CRTC3: variants seen among roughly 807,000 people sequenced by gnomAD.
CRTC3 encodes the protein CREB regulated transcription coactivator 3.
CRTC3 carries 26 observed loss-of-function variants against 74.5 expected under a neutral mutation model. The ratio of observed to expected loss-of-function variants is 0.35; its 90% CI spans 0.26 to 0.48. The LOEUF is 0.48. Among genes scored for constraint, CRTC3 ranks in the 20% least tolerant of loss-of-function variants. CRTC3 has a pLI of 0.99. For missense variants in CRTC3, 760 were observed against 787.3 expected (o/e 0.97, Z 0.41); for synonymous variants, 377 against 325.8 (o/e 1.16, Z -1.69).
At chr15:90,616,458 T>C (rs1451196280) in intron 7 of CRTC3, among the ~76,000 whole-genome samples, 1 of 152,236 alleles carries the variant, frequency 6.6e-6, no homozygotes, top group African/African-American at 2.4e-5. Flanking sequence ...ACTAGGAAAG[T>C]TTGGGCCCTG....
intron 2 of CRTC3, among the ~76,000 whole-genome samples, chr15:90,545,581 T>C (rs1291653991): frequency 6.6e-6 from 1 of 151,312 alleles, no homozygotes; most frequent in Non-Finnish European, 1.5e-5. Context: ...TGTTTGTTTT[T>C]TTTTTTTACT....
intron 2 of CRTC3, among the ~76,000 whole-genome samples, chr15:90,586,204 A>G (rs1967656177): frequency 1.3e-5 from 2 of 152,040 alleles, no homozygotes; most frequent in South Asian, 4.2e-4. Context: ...CTTATGTAGA[A>G]TTGCTTCTGT....
rs1021706995 is a variant in CRTC3 at position 90,644,765 on chromosome 15, G to C, written c.*2625G>C. 2 of 232,490 alleles carry C rather than the reference G, an allele frequency of 8.6e-6. No homozygotes were observed. The highest frequency in any genetic ancestry group is 4.4e-5 in the African/African-American group (2 of 45,302). 14.4% of individuals were successfully genotyped at this position (232,490 alleles called of 1,614,324 possible). ...TGAGCCTGCACTCACTGCGGCCTTT[G>C]TAACAAAACCAGTTGTGGTCCTCAG... On this transcript the variant is annotated 3_prime_UTR_variant, in exon 15 of 15. Coordinates refer to ENST00000268184, the MANE Select transcript of CRTC3 (RefSeq NM_022769.5).
chr15:90,608,153 G>A (rs1968273608), intron 6 of CRTC3, among the ~76,000 whole-genome samples: 1 of 152,142 alleles, frequency 6.6e-6, no homozygotes, highest in Non-Finnish European at 1.5e-5. Context: ...TGTGAGTAAG[G>A]GGATGGAGAG....
chr15:90,612,086 C>A (rs1187611120), intron 6 of CRTC3, among the ~76,000 whole-genome samples: 1 of 147,742 alleles, frequency 6.8e-6, no homozygotes, highest in South Asian at 2.2e-4. Context: ...TCCTCCGCCT[C>A]CTCCTCCGCC....
intron 2 of CRTC3, among the ~76,000 whole-genome samples, 164 bp from the exon 3 acceptor site, chr15:90,593,472 A>C (rs1206579060): frequency 6.6e-6 from 1 of 152,242 alleles, no homozygotes; most frequent in Non-Finnish European, 1.5e-5. Flanking sequence ...TTATAAAGAA[A>C]TAGTTCCATA....
At chr15:90,546,854 A>C (rs1269197524) in intron 2 of CRTC3, among the ~76,000 whole-genome samples, 1 of 152,034 alleles carries the variant, frequency 6.6e-6, no homozygotes, top group Non-Finnish European at 1.5e-5. Context: ...CGATCTCCTG[A>C]CCTCGTGATC....
At chr15:90,633,557 G>A (rs555873245) in intron 11 of CRTC3, among the ~76,000 whole-genome samples, 8 of 152,208 alleles carry the variant, frequency 5.3e-5, no homozygotes, top group African/African-American at 1.9e-4. Flanking sequence ...AGATCTTTTT[G>A]TCCCCAGTGT....
chr15:90,629,671 C>T (rs1229597569), intron 11 of CRTC3, 139 bp downstream of exon 11: 1 of 716,808 alleles, frequency 1.4e-6, no homozygotes, highest in Non-Finnish European at 2.3e-6. Flanking sequence ...AGTCTGTTCG[C>T]TCTTATATGT....
intron 2 of CRTC3, among the ~76,000 whole-genome samples, chr15:90,572,630 C>T (rs1967298950): frequency 1.3e-5 from 2 of 152,140 alleles, no homozygotes; most frequent in Non-Finnish European, 1.5e-5. Context: ...GGCTGGAGTG[C>T]AGTAGTGCAA....
chr15:90,557,534 C>T (rs1966919578), intron 2 of CRTC3, among the ~76,000 whole-genome samples: 2 of 152,116 alleles, frequency 1.3e-5, no homozygotes, highest in Non-Finnish European at 1.5e-5. Flanking sequence ...TTGAGGGGCT[C>T]GTACATCTGC....
chr15:90,565,550 C>G (rs752830539), intron 2 of CRTC3, among the ~76,000 whole-genome samples: 2 of 152,148 alleles, frequency 1.3e-5, no homozygotes, highest in African/African-American at 2.4e-5. Context: ...AGATACTGTG[C>G]TTTTTACAAG....
At chr15:90,556,336 T>C (rs1323295069) in intron 2 of CRTC3, among the ~76,000 whole-genome samples, 1 of 152,178 alleles carries the variant, frequency 6.6e-6, no homozygotes, top group Non-Finnish European at 1.5e-5. Context: ...GGTAGAAATA[T>C]CGCCACCGTT....
At chr15:90,625,663 T>A (rs1968807396) in intron 9 of CRTC3, 113 bp from the exon 10 acceptor site, 4 of 945,196 alleles carry the variant, frequency 4.2e-6, no homozygotes. Context: ...CACCAGGACC[T>A]CGGTCTTTTG....
chr15:90,628,141 C>T (rs998930320), intron 10 of CRTC3, among the ~76,000 whole-genome samples: 2 of 151,260 alleles, frequency 1.3e-5, no homozygotes, highest in Non-Finnish European at 2.9e-5. Context: ...GGCGTGAACC[C>T]GGGAGACGGA....
At chr15:90,593,022 G>T (rs150198490) in intron 2 of CRTC3, among the ~76,000 whole-genome samples, 4 of 152,018 alleles carry the variant, frequency 2.6e-5, no homozygotes, top group Non-Finnish European at 4.4e-5. Context: ...GCGTGGTGGC[G>T]CACATCTGTA....
rs1969524583 is a variant in CRTC3 at position 90,643,546 on chromosome 15, T to TAG, written c.*1410_*1411dup. The stretch of plus-strand genomic sequence containing the variant: ...ACGTTTGGCTCTAAATTGCTTCAAG[T>TAG]AGAGATTCATTCTTTGAGGTTGAAA... On this transcript the variant is annotated 3_prime_UTR_variant, in exon 15 of 15. Coordinates refer to ENST00000268184, the MANE Select transcript of CRTC3 (RefSeq NM_022769.5). The TAG allele has an allele frequency of 4.4e-6, 1 of 229,272 alleles. No homozygotes were observed. The highest frequency in any genetic ancestry group is 8.7e-6 in the Non-Finnish European group (1 of 115,558). 14.2% of individuals were successfully genotyped at this position (229,272 alleles called of 1,614,324 possible).
chr15:90,547,346 T>C (rs1246634500), intron 2 of CRTC3, among the ~76,000 whole-genome samples: 1 of 152,230 alleles, frequency 6.6e-6, no homozygotes, highest in African/African-American at 2.4e-5. Context: ...TCTACTCCTT[T>C]TATGTTTGTA....
At chr15:90,606,571 TAATAA>T (rs943522684) in intron 5 of CRTC3, among the ~76,000 whole-genome samples, 16 of 151,738 alleles carry the variant, frequency 1.1e-4, no homozygotes, top group African/African-American at 3.9e-4. Flanking sequence ...CAGAAAAAAA[TAATAA>T]AATAAAATAA....
Sources: allele counts gnomAD v4.1 joint callset (sites outside exome capture counted in the v4.1 genomes callset), GRCh38; gene constraint gnomAD v4.1.1; transcripts MANE v1.5; gene names NCBI Gene and HGNC (gene_info 2026-07-23, HGNC 2026-07-21).